Variants in TMEM74 observed in about 807,000 individuals in gnomAD.
TMEM74 encodes the protein transmembrane protein 74.
TMEM74 carries 13 observed loss-of-function variants against 18.1 expected under a neutral mutation model. The ratio of observed to expected loss-of-function variants is 0.72; its 90% CI spans 0.47 to 1.14. The LOEUF (loss-of-function observed/expected upper bound fraction) is 1.14, where lower values mean the gene tolerates loss of function less well. Among genes scored for constraint, TMEM74 ranks in the 50% most tolerant of loss-of-function variants. The pLI is 0.00. For synonymous variants in TMEM74, 159 were observed against 146.6 expected, an observed-to-expected ratio of 1.08 and a Z score of -0.61; for missense variants, 372 against 375.9, an observed-to-expected ratio of 0.99 and a Z score of 0.09.
chr8:108,665,146 GAGGTTAC>G (rs1300225481), intron 1 of TMEM74, among the ~76,000 whole-genome samples: 2 of 152,096 alleles, frequency 1.3e-5, no homozygotes, highest in Non-Finnish European at 2.9e-5. Context: ...GCCAAGTTGA[GAGGTTAC>G]AGCATTTGAA....
At chr8:108,608,342 A>C (rs1455323369) in intron 3 of TMEM74, among the ~76,000 whole-genome samples, 1 of 151,510 alleles carries the variant, frequency 6.6e-6, no homozygotes, top group East Asian at 1.9e-4. Context: ...AGAACTAGAC[A>C]GTCTGTCTTA....
At chr8:108,637,592 G>A (rs965727083) in intron 2 of TMEM74, among the ~76,000 whole-genome samples, 12 of 152,076 alleles carry the variant, frequency 7.9e-5, no homozygotes, top group African/African-American at 2.9e-4. Context: ...AAGATACCAT[G>A]TTGCTGGCTT....
chr8:108,777,080 C>T (rs556262437), downstream of TMEM74, among the ~76,000 whole-genome samples: 176 of 152,232 alleles, frequency 1.2e-3, no homozygotes, highest in Non-Finnish European at 2.2e-3. Flanking sequence ...TTCTTATTTA[C>T]GTTCTATCAG....
intron 2 of TMEM74, among the ~76,000 whole-genome samples, chr8:108,655,097 T>C (rs996495056): frequency 1.1e-4 from 16 of 152,172 alleles, no homozygotes; most frequent in African/African-American, 3.9e-4. Context: ...TTTTTCCTTA[T>C]ATTCATAAGT....
intron 1 of TMEM74, among the ~76,000 whole-genome samples, chr8:108,700,132 T>G (rs1190479607): frequency 7.6e-6 from 1 of 132,162 alleles, no homozygotes; most frequent in Non-Finnish European, 1.7e-5. Flanking sequence ...CCATAAATGG[T>G]GTGTGTGTGT....
chr8:108,657,257 A>G (rs1229720487), intron 1 of TMEM74, among the ~76,000 whole-genome samples: 1 of 152,002 alleles, frequency 6.6e-6, no homozygotes, highest in East Asian at 1.9e-4. Context: ...CTCAATAACT[A>G]CCATGGTGTT....
intron 1 of TMEM74, among the ~76,000 whole-genome samples, chr8:108,716,720 T>C (rs1813526782): frequency 6.6e-6 from 1 of 151,666 alleles, no homozygotes. Flanking sequence ...AGAAATTATT[T>C]AGTAAGTAAA....
chr8:108,626,475 T>C (rs143960396), intron 2 of TMEM74: 2 of 152,170 alleles, frequency 1.3e-5, no homozygotes, highest in East Asian at 3.9e-4. Context: ...ATGTTTAAAT[T>C]AGCCGTTTAC....
chr8:108,752,184 C>A (rs1048947161), intron 1 of TMEM74, among the ~76,000 whole-genome samples: 2 of 152,132 alleles, frequency 1.3e-5, no homozygotes, highest in African/African-American at 4.8e-5. Context: ...TGAAGCTGAA[C>A]TCTCTGGGTT....
chr8:108,717,942 G>GT (rs869263977), intron 1 of TMEM74, among the ~76,000 whole-genome samples: 1,594 of 45,906 alleles, frequency 0.035, 408 homozygotes, highest in Non-Finnish European at 0.045. Flanking sequence ...TCTGACTTAG[G>GT]TTTTTTTTTT....
chr8:108,774,643 G>C (rs2129650081), downstream of TMEM74, among the ~76,000 whole-genome samples: 1 of 152,264 alleles, frequency 6.6e-6, no homozygotes, highest in South Asian at 2.1e-4. Context: ...TAAGTGGAAA[G>C]AGAACTGGGA....
intron 1 of TMEM74, among the ~76,000 whole-genome samples, chr8:108,661,890 A>G (rs769929286): frequency 2.6e-5 from 4 of 152,146 alleles, no homozygotes; most frequent in African/African-American, 9.7e-5. Context: ...GAAATTCTCT[A>G]TTCCTTATAA....
chr8:108,695,372 C>A (rs1299427766), intron 1 of TMEM74, among the ~76,000 whole-genome samples: 2 of 152,158 alleles, frequency 1.3e-5, no homozygotes, highest in African/African-American at 2.4e-5. Context: ...TTTTGGCAAG[C>A]ACTTGGGTAC....
At chr8:108,777,529 T>G (rs1814246981), downstream of TMEM74, among the ~76,000 whole-genome samples, 1 of 152,224 alleles carries the variant, frequency 6.6e-6, no homozygotes, top group Non-Finnish European at 1.5e-5. Flanking sequence ...AGTGATATGA[T>G]TTCTTTATAG....
intron 1 of TMEM74, among the ~76,000 whole-genome samples, chr8:108,745,784 G>C (rs1220163011): frequency 6.6e-6 from 1 of 152,142 alleles, no homozygotes; most frequent in Non-Finnish European, 1.5e-5. Flanking sequence ...AGACAGCCCA[G>C]CGCCGCACCC....
At chr8:108,756,759 GGGAGGGAGGGGAGGGGAGGGCA>G (rs1813979277) in intron 1 of TMEM74, among the ~76,000 whole-genome samples, 2 of 113,156 alleles carry the variant, frequency 1.8e-5, no homozygotes, top group Non-Finnish European at 3.6e-5. Flanking sequence ...GAGGGAGGGA[GGGAGGGAGGGGAGGGGAGGGCA>G]GGAGGGGAGG....
chr8:108,684,951 T>G (rs946150659), intron 1 of TMEM74, among the ~76,000 whole-genome samples: 1 of 152,004 alleles, frequency 6.6e-6, no homozygotes, highest in African/African-American at 2.4e-5. Flanking sequence ...TTTTAGGAGT[T>G]TTTTCTATGT....
intron 1 of TMEM74, among the ~76,000 whole-genome samples, chr8:108,674,513 G>A (rs1250904849): frequency 6.6e-6 from 1 of 152,168 alleles, no homozygotes; most frequent in Non-Finnish European, 1.5e-5. Context: ...TAATACTAAA[G>A]AGAAAGAGGC....
chr8:108,610,697 T>A (rs745835977), intron 2 of TMEM74, among the ~76,000 whole-genome samples: 1 of 152,010 alleles, frequency 6.6e-6, no homozygotes, highest in Non-Finnish European at 1.5e-5. Flanking sequence ...AGTAGAAGTG[T>A]GTCTGGGTTA....
Sources: gnomAD v4.1 joint callset for allele counts (sites outside exome capture counted in the v4.1 genomes callset) on GRCh38, gnomAD v4.1.1 for gene constraint, MANE v1.5 for transcripts, NCBI Gene and HGNC (gene_info 2026-07-23, HGNC 2026-07-21) for gene names.